Variants in RUFY3 observed in about 807,000 individuals in gnomAD.
RUFY3 encodes the protein protein RUFY3.
In RUFY3, 34 loss-of-function variants were observed where a neutral mutation model predicts 84.0. The ratio of observed to expected loss-of-function variants is 0.40; its 90% CI spans 0.31 to 0.54. The LOEUF (loss-of-function observed/expected upper bound fraction) is 0.54. Among genes scored for constraint, RUFY3 ranks in the 20% least tolerant of loss-of-function variants. The pLI is 0.39. For synonymous variants in RUFY3, 242 were observed against 252.9 expected (o/e 0.96, Z 0.41); for missense variants, 507 against 736.8 (o/e 0.69, Z 3.61).
chr4:70,781,102 C>T (rs1728844747), intron 8 of RUFY3, among the ~76,000 whole-genome samples: 1 of 149,188 alleles, frequency 6.7e-6, no homozygotes, highest in Non-Finnish European at 1.5e-5. Context: ...AAAAAAAGGG[C>T]CAGTAAAAAA....
At chr4:70,705,094 G>A in exon 1 of RUFY3, 1 of 1,352,338 alleles carries the variant, frequency 7.4e-7, no homozygotes. Context: ...TCCCCCGCCG[G>A]GCAGTCGGAG....
chr4:70,797,303 G>A (rs1731646859), intron 14 of RUFY3, among the ~76,000 whole-genome samples: 1 of 152,036 alleles, frequency 6.6e-6, no homozygotes, highest in African/African-American at 2.4e-5. Flanking sequence ...ATCCTGATTA[G>A]ATATATTAAA....
In RUFY3 at chr4:70,807,876, C is replaced by T. The variant is rs766695782; in HGVS notation, c.*1217C>T. On this transcript the variant is annotated 3_prime_UTR_variant, in exon 18 of 18. Coordinates refer to ENST00000381006, the MANE Select transcript of RUFY3 (RefSeq NM_001037442.4). ...TTTTTTGAATAAGGAATTCCTTATTCTGAGTGAGTCACGAATGAGAGCTGA... is the reference window on the plus strand; with the variant it reads ...TTTTTTGAATAAGGAATTCCTTATTTTGAGTGAGTCACGAATGAGAGCTGA... Among the ~76,000 whole-genome samples, 1 of 152,032 alleles carries T rather than the reference C, an allele frequency of 6.6e-6. No homozygotes were observed. Among genetic ancestry groups the T allele is most frequent in the Non-Finnish European group, 1.5e-5 (1 of 68,008 alleles).
rs149425226 is a variant in RUFY3, at chr4:70,796,524, A to G, written c.1557+1630A>G. Among the ~76,000 whole-genome samples, 160 of 152,344 alleles carry G rather than the reference A, an allele frequency of 1.1e-3. 2 individuals carry two copies. The highest frequency in any genetic ancestry group is 3.7e-3 in the African/African-American group (153 of 41,572). Reference sequence around the variant, plus strand: ...ACTTTTGTCTGCAGCTGATACGGGCACAACAGTTTTGGCACCCATCAAGTA... The same window carrying G: ...ACTTTTGTCTGCAGCTGATACGGGCGCAACAGTTTTGGCACCCATCAAGTA... On this transcript the variant is annotated intron_variant, in intron 14 of 17. Transcript: ENST00000381006.
At chr4:70,759,740 T>C (rs1724701320) in intron 1 of RUFY3, among the ~76,000 whole-genome samples, 1 of 152,230 alleles carries the variant, frequency 6.6e-6, no homozygotes. Context: ...ACTTTTAAGC[T>C]CTTATCTCTA....
intron 1 of RUFY3, among the ~76,000 whole-genome samples, chr4:70,731,131 G>A (rs1401307737): frequency 1.3e-5 from 2 of 150,784 alleles, no homozygotes; most frequent in African/African-American, 4.9e-5. Flanking sequence ...TCCGCCTCCT[G>A]GGTTCAAACA....
At chr4:70,752,157 T>C (rs919727225) in intron 1 of RUFY3, among the ~76,000 whole-genome samples, 3 of 152,220 alleles carry the variant, frequency 2.0e-5, no homozygotes, top group African/African-American at 7.2e-5. Context: ...GTTAAGTTTA[T>C]TGGTAAATAT....
intron 1 of RUFY3, among the ~76,000 whole-genome samples, chr4:70,753,737 T>TAC (rs1723516238): frequency 1.3e-5 from 2 of 152,334 alleles, no homozygotes; most frequent in Admixed American, 1.3e-4. Context: ...ATGTCATTTC[T>TAC]CTGGTTCCAG....
At chr4:70,801,938 A>G (rs529312578) in intron 15 of RUFY3, among the ~76,000 whole-genome samples, 4 of 152,330 alleles carry the variant, frequency 2.6e-5, no homozygotes, top group East Asian at 3.9e-4. Context: ...TTAAATGCCA[A>G]CTTCTGATTT....
rs938691490 is a variant in RUFY3, at chr4:70,732,332, A to G, written c.178+9581A>G. ...TCTTTGGCGTTCTTCAGAAGGCCCC[A>G]TGGTACTGTGTACTATTTATCGTAG... On this transcript the variant is annotated intron_variant, in intron 1 of 17. Transcript: ENST00000381006. Among the ~76,000 whole-genome samples, 4 of 152,236 alleles carry G rather than the reference A, an allele frequency of 2.6e-5. No individual in the cohort carries two copies. The South Asian group carries it at 8.3e-4, about 31-fold the overall frequency.
chr4:70,769,084 A>G (rs1726484708), intron 5 of RUFY3, among the ~76,000 whole-genome samples: 1 of 152,120 alleles, frequency 6.6e-6, no homozygotes. Context: ...GCCAGGTGCG[A>G]TTGTTCACAC....
intron 14 of RUFY3, among the ~76,000 whole-genome samples, chr4:70,798,492 A>C (rs962685803): frequency 6.6e-6 from 1 of 152,164 alleles, no homozygotes; most frequent in Non-Finnish European, 1.5e-5. Context: ...TGTAGCCCTT[A>C]GAACTGCCCA....
chr4:70,750,748 A>G (rs1722999380), intron 1 of RUFY3, among the ~76,000 whole-genome samples: 1 of 150,750 alleles, frequency 6.6e-6, no homozygotes, highest in Non-Finnish European at 1.5e-5. Flanking sequence ...CTGTCTCTGC[A>G]GTTTTTTTTT....
chr4:70,794,846 C>T lies in RUFY3; in HGVS notation c.1509C>T (p.Asn503=), dbSNP rs776629324. Residue 503 remains asparagine (N), a synonymous_variant, in exon 14 of 18, where the codon AAC becomes AAT. Transcript: ENST00000381006. The part of the protein sequence containing the change: ...LKQEKERRLQ[N]DRSIPGRGSQ... Reference sequence around the variant, plus strand: ...AGGAAAAAGAAAGAAGATTACAAAACGACAGGAGCATCCCAGGAAGGGGTT... The same window carrying T: ...AGGAAAAAGAAAGAAGATTACAAAATGACAGGAGCATCCCAGGAAGGGGTT... 6 of 1,613,180 alleles carry T rather than the reference C, an allele frequency of 3.7e-6. No homozygotes were observed. Among genetic ancestry groups the T allele is most frequent in the South Asian group, 2.2e-5 (2 of 90,956 alleles).
At position 70,764,579 on chromosome 4, in the gene RUFY3, A is replaced by G. The variant is rs780913286; in HGVS notation, c.572+3A>G. ...ATCAATAAGAAAGAACTTCTCAGGT[A>G]TGAACACCTTCTTGAACTTTCTTCT... On this transcript the variant is annotated splice_donor_region_variant and intron_variant, in intron 4 of 17. Coordinates refer to ENST00000381006, the MANE Select transcript of RUFY3 (RefSeq NM_001037442.4). 1.9e-6 allele frequency: 3 copies of G among 1,539,872 alleles called. No individual in the cohort carries two copies. The highest frequency in any genetic ancestry group is 2.7e-6 in the Non-Finnish European group (3 of 1,115,210).
chr4:70,719,646 A>G (rs1185302517), upstream of RUFY3, among the ~76,000 whole-genome samples: 2 of 152,236 alleles, frequency 1.3e-5, no homozygotes, highest in Non-Finnish European at 2.9e-5. Flanking sequence ...TTTAATGACT[A>G]CTTACTATGT....
chr4:70,730,895 A>G (rs1211846378), intron 1 of RUFY3, among the ~76,000 whole-genome samples: 1 of 152,184 alleles, frequency 6.6e-6, no homozygotes, highest in Non-Finnish European at 1.5e-5. Flanking sequence ...CCTGCGTGTA[A>G]TAAGAGGAGT....
At chr4:70,779,939 A>G (rs1269667882) in intron 8 of RUFY3, among the ~76,000 whole-genome samples, 1 of 152,240 alleles carries the variant, frequency 6.6e-6, no homozygotes, top group Non-Finnish European at 1.5e-5. Context: ...TTTAAATAAA[A>G]TCAAATTAAA....
chr4:70,719,248 T>C (rs1211975939), upstream of RUFY3, among the ~76,000 whole-genome samples: 2 of 152,214 alleles, frequency 1.3e-5, no homozygotes, highest in African/African-American at 4.8e-5. Flanking sequence ...TGTTTTTCTT[T>C]CCTTGCCAAA....
Sources: allele counts gnomAD v4.1 joint callset (sites outside exome capture counted in the v4.1 genomes callset), GRCh38; gene constraint gnomAD v4.1.1; transcripts MANE v1.5; gene names NCBI Gene and HGNC (gene_info 2026-07-23, HGNC 2026-07-21).